Variants in ADGRL2 observed in about 807,000 individuals in gnomAD.
The protein encoded by ADGRL2 is adhesion G protein-coupled receptor L2.
A neutral mutation model predicts 157.4 loss-of-function variants in ADGRL2; 44 were observed. That is an observed-to-expected ratio of 0.28 (90% CI 0.22 to 0.36). ADGRL2 has a LOEUF of 0.36. ADGRL2 is among the 10% of genes least tolerant of loss of function. The pLI is 1.00. For missense variants in ADGRL2, 1,510 were observed against 1,768.9 expected, an observed-to-expected ratio of 0.85 and a Z score of 2.63; for synonymous variants, 585 against 624.7, an observed-to-expected ratio of 0.94 and a Z score of 0.95.
intron 2 of ADGRL2, among the ~76,000 whole-genome samples, chr1:81,894,721 ATG>A (rs1477641168): frequency 6.8e-6 from 1 of 145,986 alleles, no homozygotes; most frequent in Non-Finnish European, 1.6e-5. Context: ...TTATTTCAAT[ATG>A]TTTTTTTTTT....
intron 2 of ADGRL2, among the ~76,000 whole-genome samples, chr1:81,898,233 T>G (rs1461679617): frequency 6.6e-6 from 1 of 152,348 alleles, no homozygotes; most frequent in African/African-American, 2.4e-5. Context: ...GAACACTTTC[T>G]TTTGCAACAG....
At chr1:81,951,398 A>G (rs1224615418) in intron 8 of ADGRL2, among the ~76,000 whole-genome samples, 1 of 152,178 alleles carries the variant, frequency 6.6e-6, no homozygotes, top group Non-Finnish European at 1.5e-5. Context: ...GACAAAATGC[A>G]TTCGCCGATT....
At chr1:81,467,680 T>C (rs958695781) in intron 2 of ADGRL2, among the ~76,000 whole-genome samples, 8 of 152,240 alleles carry the variant, frequency 5.3e-5, no homozygotes, top group Middle Eastern at 3.4e-3. Flanking sequence ...ACTGGTACTT[T>C]TGTGAGCAAG....
At chr1:81,491,879 C>T (rs1021837655) in intron 2 of ADGRL2, among the ~76,000 whole-genome samples, 2 of 151,946 alleles carry the variant, frequency 1.3e-5, no homozygotes, top group Non-Finnish European at 2.9e-5. Flanking sequence ...CAGGGTTGTC[C>T]AAAGTGATGT....
chr1:81,858,213 A>G (rs1049520305), intron 2 of ADGRL2, among the ~76,000 whole-genome samples: 2 of 152,198 alleles, frequency 1.3e-5, no homozygotes, highest in Non-Finnish European at 2.9e-5. Flanking sequence ...GGTTTAGATT[A>G]AGGCTTCATA....
intron 2 of ADGRL2, among the ~76,000 whole-genome samples, chr1:81,537,130 T>C (rs2079758923): frequency 6.6e-6 from 1 of 152,202 alleles, no homozygotes; most frequent in South Asian, 2.1e-4. Context: ...ACGGAATATG[T>C]CCACTGTATA....
chr1:81,683,673 A>G (rs189768440), intron 3 of ADGRL2, among the ~76,000 whole-genome samples: 4,431 of 148,250 alleles, frequency 0.03, 76 homozygotes, highest in South Asian at 0.056. Context: ...GTGTGTGTGT[A>G]TGTATGTACG....
chr1:81,574,693 G>A (rs1269247991), intron 2 of ADGRL2, among the ~76,000 whole-genome samples: 1 of 152,128 alleles, frequency 6.6e-6, no homozygotes, highest in Non-Finnish European at 1.5e-5. Flanking sequence ...TGGTGGAGAT[G>A]CAACTGGACT....
intron 19 of ADGRL2, among the ~76,000 whole-genome samples, chr1:81,982,291 A>G (rs1403951950): frequency 2.6e-5 from 4 of 152,030 alleles, no homozygotes; most frequent in Non-Finnish European, 5.9e-5. Context: ...AATAAAACTC[A>G]TTCTTTGCTC....
intron 2 of ADGRL2, among the ~76,000 whole-genome samples, chr1:81,866,892 ACT>A (rs1483797184): frequency 6.6e-6 from 1 of 152,082 alleles, no homozygotes; most frequent in Non-Finnish European, 1.5e-5. Context: ...TAAAATAGAT[ACT>A]CTCTGGATCT....
chr1:81,560,370 C>T (rs975070369), intron 2 of ADGRL2, among the ~76,000 whole-genome samples: 3 of 152,158 alleles, frequency 2.0e-5, no homozygotes, highest in Non-Finnish European at 2.9e-5. Context: ...AATAGGAAAA[C>T]TATAGCCTCC....
intron 1 of ADGRL2, among the ~76,000 whole-genome samples, chr1:81,440,871 A>G (rs1157932059): frequency 6.6e-6 from 1 of 152,030 alleles, no homozygotes; most frequent in Non-Finnish European, 1.5e-5. Context: ...CTTCCTTCTA[A>G]TTCCCACTGC....
At chr1:81,865,993 A>C (rs2093532311) in intron 2 of ADGRL2, among the ~76,000 whole-genome samples, 1 of 152,148 alleles carries the variant, frequency 6.6e-6, no homozygotes, top group African/African-American at 2.4e-5. Flanking sequence ...GGGAGCTAAA[A>C]ATGTTTTGGT....
At chr1:81,352,653 C>T (rs1662985381) in intron 1 of ADGRL2, among the ~76,000 whole-genome samples, 1 of 152,064 alleles carries the variant, frequency 6.6e-6, no homozygotes, top group Non-Finnish European at 1.5e-5. Context: ...TTAAGATATG[C>T]CATGTGAGAG....
intron 2 of ADGRL2, among the ~76,000 whole-genome samples, chr1:81,529,945 G>T (rs112878293): frequency 2.0e-3 from 300 of 152,284 alleles, no homozygotes; most frequent in Non-Finnish European, 3.4e-3. Flanking sequence ...TTGTTTTAGG[G>T]CAGGAGGAAG....
intron 1 of ADGRL2, among the ~76,000 whole-genome samples, chr1:81,439,097 C>T (rs1387089325): frequency 3.9e-5 from 6 of 152,160 alleles, no homozygotes; most frequent in Non-Finnish European, 5.9e-5. Context: ...AATTATATTG[C>T]ACATAGTTGT....
At chr1:81,675,455 A>C (rs1482515822) in intron 3 of ADGRL2, among the ~76,000 whole-genome samples, 1 of 152,164 alleles carries the variant, frequency 6.6e-6, no homozygotes, top group Non-Finnish European at 1.5e-5. Context: ...CTTAACAAAG[A>C]GGTGTCACTG....
Position 81,660,742 on chromosome 1 carries a change from T to G in ADGRL2, c.-143+79762T>G, listed in dbSNP as rs533130608. Among the ~76,000 whole-genome samples, 29 of 152,292 alleles carry G rather than the reference T, an allele frequency of 1.9e-4. No homozygotes were observed. In the South Asian group the frequency reaches 5.8e-3, roughly 30 times the overall value. ...AAATTAGAGATTGTTAATATTCACATAGTGATGTCTTATTCTATTTTCTCT... is the reference window on the plus strand; with the variant it reads ...AAATTAGAGATTGTTAATATTCACAGAGTGATGTCTTATTCTATTTTCTCT... On this transcript the variant is annotated intron_variant, in intron 3 of 24. Coordinates refer to the ADGRL2 transcript ENST00000370721.
chr1:81,990,464 C>T lies in ADGRL2; in HGVS notation c.3729C>T (p.Ser1243=). 1 of 1,614,116 alleles carries T rather than the reference C, an allele frequency of 6.2e-7. No individual in the cohort carries two copies. The highest frequency in any genetic ancestry group is 2.2e-5 in the East Asian group (1 of 44,872). ...CGCTAAATGGTAATTTTAACAACAG[C>T]TACTCGCTGCACAAGGGTGACTATA... ...TLPLNGNFNN[S]YSLHKGDYND... The change falls in exon 24 of 24, where the codon AGC becomes AGT. Residue 1243 remains serine, a synonymous_variant. Transcript: ENST00000686636.
Sources: allele counts gnomAD v4.1 joint callset (sites outside exome capture counted in the v4.1 genomes callset), GRCh38; gene constraint gnomAD v4.1.1; transcripts MANE v1.5; gene names NCBI Gene and HGNC (gene_info 2026-07-23, HGNC 2026-07-21).